DHRSX: variants seen among roughly 807,000 people sequenced by gnomAD.
DHRSX encodes the protein dehydrogenase/reductase X-linked.
In DHRSX, 31 loss-of-function variants were observed where a neutral mutation model predicts 34.0. The observed-to-expected ratio is 0.91, with a 90% CI of 0.69 to 1.23. The LOEUF (loss-of-function observed/expected upper bound fraction) is 1.23. Among genes scored for constraint, DHRSX ranks in the 50% most tolerant of loss-of-function variants. DHRSX has a pLI of 0.00. For missense variants in DHRSX, 414 were observed against 428.1 expected (o/e 0.97, Z 0.29); for synonymous variants, 201 against 183.8 (o/e 1.09, Z -0.76).
At chrX:2,479,733 G>A (rs2044740763) in intron 1 of DHRSX, among the ~76,000 whole-genome samples, 1 of 152,096 alleles carries the variant, frequency 6.6e-6, no homozygotes, top group Admixed American at 6.5e-5. Context: ...CCGCCACAGT[G>A]TACACACTGA....
chrX:2,423,412 A>G (rs1187120850), intron 2 of DHRSX, among the ~76,000 whole-genome samples: 1 of 7,086 alleles, frequency 1.4e-4, no homozygotes, highest in Non-Finnish European at 1.8e-4. Context: ...ATTCTGTCTC[A>G]AAAAAAACAA....
chrX:2,456,280 G>C (rs977444625), intron 1 of DHRSX, among the ~76,000 whole-genome samples: 2 of 152,122 alleles, frequency 1.3e-5, no homozygotes, highest in Non-Finnish European at 2.9e-5. Context: ...GTCACAGGTA[G>C]AAACAGTTTA....
chrX:2,227,451 G>A lies in DHRSX; in HGVS notation c.805-6222C>T, dbSNP rs753310537. 2.7e-5 allele frequency among the ~76,000 whole-genome samples: 4 copies of A among 147,584 alleles called. No individual in the cohort carries two copies. The East Asian group carries it at 6.2e-4, about 23-fold the overall frequency. On this transcript the variant is annotated intron_variant, in intron 6 of 6. Transcript: ENST00000334651. ...AAGGAGTGACACAGAGAGAGAGGGA[G>A]GGAGGCAGTAAGAAAGGAAGGAAGC... is the stretch of plus-strand genomic sequence containing the variant.
At chrX:2,247,704 CATT>C (rs1569479413) in intron 5 of DHRSX, among the ~76,000 whole-genome samples, 1 of 149,898 alleles carries the variant, frequency 6.7e-6, no homozygotes, top group Non-Finnish European at 1.5e-5. Context: ...TTCATGTATT[CATT>C]TTTTCATAAA....
intron 3 of DHRSX, among the ~76,000 whole-genome samples, chrX:2,301,733 G>C (rs2042012935): frequency 6.6e-6 from 1 of 152,120 alleles, no homozygotes; most frequent in Non-Finnish European, 1.5e-5. Context: ...CCACCTCCTG[G>C]ATTCAACCAA....
At chrX:2,246,738 AAGAAAGAAAG>A (rs1330059791) in intron 5 of DHRSX, among the ~76,000 whole-genome samples, 2,786 of 118,744 alleles carry the variant, frequency 0.023, 47 homozygotes, top group Non-Finnish European at 0.044. Context: ...GAAAGAAAGA[AAGAAAGAAAG>A]AAAAAGAAAG....
At chrX:2,489,609 T>C in intron 1 of DHRSX, 1 of 1,612,572 alleles carries the variant, frequency 6.2e-7, no homozygotes, top group Non-Finnish European at 8.5e-7. Context: ...ACCCCGGCGA[T>C]GACGAACTGC....
At chrX:2,253,788 C>T (rs1450560765) in intron 5 of DHRSX, among the ~76,000 whole-genome samples, 1 of 152,146 alleles carries the variant, frequency 6.6e-6, no homozygotes, top group Non-Finnish European at 1.5e-5. Context: ...AGACCGGGCG[C>T]GGTGGCTCAC....
chrX:2,318,738 A>G (rs1408152909), intron 3 of DHRSX, among the ~76,000 whole-genome samples: 1 of 152,106 alleles, frequency 6.6e-6, no homozygotes, highest in Non-Finnish European at 1.5e-5. Context: ...TCAAGAAATA[A>G]CCATAAAAAT....
intron 1 of DHRSX, among the ~76,000 whole-genome samples, chrX:2,456,108 C>A (rs1407271457): frequency 6.6e-6 from 1 of 152,104 alleles, no homozygotes; most frequent in Non-Finnish European, 1.5e-5. Flanking sequence ...CCTCACCAGC[C>A]TCAGGAACAG....
At chrX:2,392,708 CTTATATA>C (rs1275513832) in intron 3 of DHRSX, among the ~76,000 whole-genome samples, 1 of 143,108 alleles carries the variant, frequency 7.0e-6, no homozygotes, top group African/African-American at 2.5e-5. Flanking sequence ...ATAGTTTATA[CTTATATA>C]TTATAAATTC....
chrX:2,443,643 C>G (rs1450550864), intron 1 of DHRSX, among the ~76,000 whole-genome samples: 1 of 152,016 alleles, frequency 6.6e-6, no homozygotes, highest in Non-Finnish European at 1.5e-5. Context: ...CACCTGGAAG[C>G]AATGCTTTAA....
chrX:2,464,607 G>C (rs1361273088), intron 1 of DHRSX, among the ~76,000 whole-genome samples: 1 of 149,132 alleles, frequency 6.7e-6, no homozygotes, highest in African/African-American at 2.5e-5. Flanking sequence ...GACAGCTGCC[G>C]TGTGCACACT....
chrX:2,396,641 G>A (rs757564934), intron 3 of DHRSX, among the ~76,000 whole-genome samples: 76 of 151,958 alleles, frequency 5.0e-4, no homozygotes, highest in African/African-American at 1.3e-3. Context: ...GCCTCCCAAA[G>A]GTGTCTGATA....
intron 5 of DHRSX, among the ~76,000 whole-genome samples, chrX:2,247,097 C>T (rs1383531212): frequency 6.6e-6 from 1 of 152,010 alleles, no homozygotes; most frequent in Non-Finnish European, 1.5e-5. Context: ...TACAGGCATA[C>T]ACCACCATGC....
chrX:2,430,456 C>A (rs2043904398), intron 1 of DHRSX, among the ~76,000 whole-genome samples: 1 of 152,130 alleles, frequency 6.6e-6, no homozygotes, highest in Non-Finnish European at 1.5e-5. Flanking sequence ...GGTGCCTCTG[C>A]AGATGGGGAA....
intron 1 of DHRSX, among the ~76,000 whole-genome samples, chrX:2,469,827 C>T (rs1040729945): frequency 6.6e-6 from 1 of 152,156 alleles, no homozygotes; most frequent in Non-Finnish European, 1.5e-5. Flanking sequence ...GAAGACGTTC[C>T]AAAGGTCCAG....
chrX:2,316,184 G>A (rs2042239760), intron 3 of DHRSX, among the ~76,000 whole-genome samples: 1 of 151,522 alleles, frequency 6.6e-6, no homozygotes, highest in African/African-American at 2.4e-5. Context: ...CATTTTGGCT[G>A]TCAGACAATG....
At chrX:2,474,702 G>A (rs184109941) in intron 1 of DHRSX, among the ~76,000 whole-genome samples, 260 of 151,698 alleles carry the variant, frequency 1.7e-3, no homozygotes, top group African/African-American at 6.0e-3. Context: ...TAAGTGTGTG[G>A]CTAAGGGACC....
Sources: gnomAD v4.1 joint callset for allele counts (sites outside exome capture counted in the v4.1 genomes callset) on GRCh38, gnomAD v4.1.1 for gene constraint, MANE v1.5 for transcripts, NCBI Gene and HGNC (gene_info 2026-07-23, HGNC 2026-07-21) for gene names.